Variants in KIFAP3 observed in about 807,000 individuals in gnomAD.
KIFAP3 encodes kinesin-associated protein 3.
In KIFAP3, 68 loss-of-function variants were observed where a neutral mutation model predicts 106.5. The observed-to-expected ratio is 0.64, with a 90% CI of 0.53 to 0.78. The LOEUF (loss-of-function observed/expected upper bound fraction) is 0.78, where lower values mean the gene tolerates loss of function less well. Among genes scored for constraint, KIFAP3 ranks in the 30% least tolerant of loss-of-function variants. The probability of loss-of-function intolerance (pLI) is 0.00; values close to 1 mark genes in which losing one functional copy is unlikely to be tolerated. For synonymous variants in KIFAP3, 320 were observed against 311.5 expected, an observed-to-expected ratio of 1.03 and a Z score of -0.29; for missense variants, 780 against 941.8, an observed-to-expected ratio of 0.83 and a Z score of 2.25.
At position 169,921,458 on chromosome 1, in the gene KIFAP3, A is replaced by G. The variant is rs144656623; in HGVS notation, c.*218T>C. On this transcript the variant is annotated 3_prime_UTR_variant, in exon 20 of 20. Coordinates refer to ENST00000361580, the MANE Select transcript of KIFAP3 (RefSeq NM_014970.4). ...TGGCTCATGGGAAATGTTACTTAGC[A>G]TCAAGATGTGGTTTGATGAGTGAAC... is the stretch of plus-strand genomic sequence containing the variant. The G allele has an allele frequency of 1.8e-4, 67 of 375,676 alleles. No individual in the cohort carries two copies. The Admixed American group carries it at 2.6e-3, about 15-fold the overall frequency. 23.3% of individuals were successfully genotyped at this position (375,676 alleles called of 1,614,324 possible).
intron 3 of KIFAP3, among the ~76,000 whole-genome samples, chr1:170,045,473 C>T (rs12133115): frequency 0.072 from 10,889 of 152,158 alleles, 440 homozygotes; most frequent in Non-Finnish European, 0.096. Flanking sequence ...ATATGGCCAA[C>T]GAATATTCTT....
chr1:170,031,048 G>T (rs974045823), intron 8 of KIFAP3, among the ~76,000 whole-genome samples: 1 of 151,654 alleles, frequency 6.6e-6, no homozygotes, highest in Non-Finnish European at 1.5e-5. Context: ...TGTTAAAAAA[G>T]TCAAATTAGT....
intron 10 of KIFAP3, among the ~76,000 whole-genome samples, chr1:170,001,420 G>A (rs964824094): frequency 6.6e-6 from 1 of 152,084 alleles, no homozygotes; most frequent in African/African-American, 2.4e-5. Context: ...ATTTAATTGG[G>A]AAAACAGGAG....
chr1:169,921,546 A>G lies in KIFAP3; in HGVS notation c.*130T>C, dbSNP rs114938904. 6.8e-4 allele frequency: 453 copies of G among 668,520 alleles called. 5 individuals carry two copies. In the African/African-American group the frequency reaches 7.4e-3, roughly 11 times the overall value. The allele number at this position is 668,520 out of a possible 1,614,324, so 41.4% of individuals were successfully genotyped here. On this transcript the variant is annotated 3_prime_UTR_variant, in exon 20 of 20. Transcript: ENST00000361580. ...GGCTGGGGTTAATCTGCAGCTAACA[A>G]CATATAAAAATAAAAACAAACACAG...
At chr1:169,986,280 A>T (rs1347550234) in intron 11 of KIFAP3, among the ~76,000 whole-genome samples, 1 of 151,964 alleles carries the variant, frequency 6.6e-6, no homozygotes, top group African/African-American at 2.4e-5. Flanking sequence ...AGCAATGAAC[A>T]GCTGAAAACC....
At chr1:170,017,317 T>A (rs1571672212) in intron 9 of KIFAP3, among the ~76,000 whole-genome samples, 1 of 121,520 alleles carries the variant, frequency 8.2e-6, no homozygotes, top group African/African-American at 3.1e-5. Context: ...TACAATGTGA[T>A]AAAAACTGAA....
chr1:170,027,653 G>A (rs1669182615), intron 8 of KIFAP3, among the ~76,000 whole-genome samples: 1 of 152,066 alleles, frequency 6.6e-6, no homozygotes, highest in African/African-American at 2.4e-5. Flanking sequence ...AAATTAAACA[G>A]ACAGAAAAAC....
At chr1:169,942,992 AT>A (rs960830694) in intron 19 of KIFAP3, among the ~76,000 whole-genome samples, 1 of 148,894 alleles carries the variant, frequency 6.7e-6, no homozygotes, top group Non-Finnish European at 1.5e-5. Context: ...CACTAAACTT[AT>A]TAACGCAGGT....
In KIFAP3 at chr1:170,055,384, CAAT is replaced by C. The variant is rs769397301; in HGVS notation, c.82_84del (p.Ile28del). The C allele has an allele frequency of 6.2e-7, 1 of 1,609,754 alleles. No homozygotes were observed. Among genetic ancestry groups the C allele is most frequent in the Non-Finnish European group, 8.5e-7 (1 of 1,177,640 alleles). On this transcript the variant is annotated inframe_deletion, in exon 2 of 20. Transcript: ENST00000361580. ...ATGGTAGCTTCCACTTCATAGTGAA[CAAT>C]GAGTGCTTTTTCTGATGGATGTACA...
At chr1:169,966,378 T>C (rs538910286) in intron 17 of KIFAP3, among the ~76,000 whole-genome samples, 3 of 150,938 alleles carry the variant, frequency 2.0e-5, no homozygotes, top group Non-Finnish European at 4.4e-5. Flanking sequence ...ATCTACTACA[T>C]TGGCAAGCAG....
intron 3 of KIFAP3, among the ~76,000 whole-genome samples, chr1:170,046,209 G>T: frequency 7.9e-5 from 1 of 12,616 alleles, no homozygotes; most frequent in Admixed American, 1.3e-3. Context: ...TTTCTCTGCT[G>T]CAAAAAAAAA....
intron 16 of KIFAP3, among the ~76,000 whole-genome samples, chr1:169,974,633 T>A (rs1236787010): frequency 6.6e-6 from 1 of 151,802 alleles, no homozygotes; most frequent in Non-Finnish European, 1.5e-5. Flanking sequence ...GTATTGACTG[T>A]CTCTTTTCTC....
chr1:169,928,507 C>T (rs749727221), intron 19 of KIFAP3, among the ~76,000 whole-genome samples: 7 of 151,482 alleles, frequency 4.6e-5, no homozygotes, highest in Non-Finnish European at 1.0e-4. Flanking sequence ...CCCAGGAGTT[C>T]AAGACATGGC....
chr1:170,047,620 C>CAAAAAAAA (rs1165754265), intron 2 of KIFAP3, among the ~76,000 whole-genome samples: 1 of 46,196 alleles, frequency 2.2e-5, no homozygotes, highest in African/African-American at 7.4e-5. Context: ...GGCTCTGTCT[C>CAAAAAAAA]AAAAAAAAAA....
At chr1:169,989,339 A>G (rs1261365547) in intron 11 of KIFAP3, among the ~76,000 whole-genome samples, 1 of 151,996 alleles carries the variant, frequency 6.6e-6, no homozygotes, top group Admixed American at 6.6e-5. Flanking sequence ...TTTATCTTTT[A>G]TTTAATGCTA....
intron 10 of KIFAP3, among the ~76,000 whole-genome samples, chr1:170,009,773 C>T (rs1186240286): frequency 3.3e-5 from 5 of 151,994 alleles, no homozygotes; most frequent in Admixed American, 2.0e-4. Flanking sequence ...GATAGTCTGA[C>T]GTAAGGAAGC....
chr1:170,034,470 G>A lies in KIFAP3; in HGVS notation c.644C>T (p.Thr215Ile), dbSNP rs1438829412. The A allele has an allele frequency of 1.3e-6, 2 of 1,498,162 alleles. No individual in the cohort carries two copies. Among genetic ancestry groups the A allele is most frequent in the South Asian group, 1.2e-5 (1 of 82,232 alleles). 92.8% of individuals were successfully genotyped at this position (1,498,162 alleles called of 1,614,324 possible). The change falls in exon 7 of 20, where the codon ACT becomes ATT. Residue 215 changes from threonine (T) to isoleucine (I), a missense_variant. Thr to Ile is a moderately conservative substitution (Grantham distance 89). Transcript: ENST00000361580. ...SSFSQFHGLITHYKIGALCMN... is the reference protein window; with the variant it reads ...SSFSQFHGLIIHYKIGALCMN... ...ACACAGAGCTCCAATTTTATAGTGAGTAATAAGTCCATGAAATTGAGAAAA... is the reference window on the plus strand; with the variant it reads ...ACACAGAGCTCCAATTTTATAGTGAATAATAAGTCCATGAAATTGAGAAAA...
chr1:170,020,561 C>T (rs1326854163), intron 9 of KIFAP3, among the ~76,000 whole-genome samples: 1 of 152,144 alleles, frequency 6.6e-6, no homozygotes, highest in African/African-American at 2.4e-5. Flanking sequence ...CATTCTCCTG[C>T]CTCAGCCTCC....
chr1:169,972,013 T>G (rs961634714), intron 17 of KIFAP3, among the ~76,000 whole-genome samples: 1 of 152,000 alleles, frequency 6.6e-6, no homozygotes, highest in African/African-American at 2.4e-5. Context: ...CCTCTAGTCA[T>G]GTATCCTTTA....
Sources: gnomAD v4.1 joint callset for allele counts (sites outside exome capture counted in the v4.1 genomes callset) on GRCh38, gnomAD v4.1.1 for gene constraint, MANE v1.5 for transcripts, NCBI Gene and HGNC (gene_info 2026-07-23, HGNC 2026-07-21) for gene names.